Variants in ATP23 observed in about 807,000 individuals in gnomAD.
The protein encoded by ATP23 is mitochondrial inner membrane protease ATP23 homolog.
A neutral mutation model predicts 28.5 loss-of-function variants in ATP23; 24 were observed. The observed-to-expected ratio is 0.84, with a 90% CI of 0.61 to 1.18. The LOEUF (loss-of-function observed/expected upper bound fraction) is 1.18, where lower values mean the gene tolerates loss of function less well. Among genes scored for constraint, ATP23 ranks in the 50% most tolerant of loss-of-function variants. The pLI is 0.00. For synonymous variants in ATP23, 99 were observed against 108.6 expected (o/e 0.91, Z 0.55); for missense variants, 274 against 306.4 (o/e 0.89, Z 0.79).
rs141769981 is a variant in ATP23, at chr12:57,957,895, T to C, written c.*1005T>C. 5.4e-3 allele frequency among the ~76,000 whole-genome samples: 816 copies of C among 152,244 alleles called. 6 individuals carry two copies. The highest frequency in any genetic ancestry group is 0.019 in the African/African-American group (782 of 41,530). ...GGGCAAGAAGCCTCCCGGCCAGAAC[T>C]TGGGAGAGGGCACAAATCCCATGTG... is the stretch of plus-strand genomic sequence containing the variant. On this transcript the variant is annotated 3_prime_UTR_variant, in exon 6 of 6. Transcript: ENST00000300145.
At chr12:57,942,647 TCTC>T (rs1198028154) in intron 1 of ATP23, among the ~76,000 whole-genome samples, 1 of 152,112 alleles carries the variant, frequency 6.6e-6, no homozygotes, top group Non-Finnish European at 1.5e-5. Context: ...ATGGTCTTGA[TCTC>T]CTGACCTCGT....
rs773571601 is a variant in ATP23 at position 57,941,653 on chromosome 12, C to T, written c.-49C>T. On this transcript the variant is annotated 5_prime_UTR_variant, in exon 1 of 6. Transcript: ENST00000300145. ...AGGGAGGTTACCTTTCCCAGTCTCGCTCTGGCCGCCTGAGCCAGGAGGAAG... is the reference window on the plus strand; with the variant it reads ...AGGGAGGTTACCTTTCCCAGTCTCGTTCTGGCCGCCTGAGCCAGGAGGAAG... 2 of 1,581,220 alleles carry T rather than the reference C, an allele frequency of 1.3e-6. No individual in the cohort carries two copies. The highest frequency in any genetic ancestry group is 1.7e-6 in the Non-Finnish European group (2 of 1,166,236).
intron 4 of ATP23, among the ~76,000 whole-genome samples, chr12:57,952,794 C>A (rs1296491643): frequency 6.7e-6 from 1 of 149,314 alleles, no homozygotes; most frequent in African/African-American, 2.5e-5. Flanking sequence ...GTGTTAAGTA[C>A]TTTGAGCTCC....
chr12:57,951,410 C>T (rs1956813044), intron 3 of ATP23, among the ~76,000 whole-genome samples: 1 of 152,210 alleles, frequency 6.6e-6, no homozygotes, highest in Non-Finnish European at 1.5e-5. Context: ...CTGTGTGCTT[C>T]ATTCCAAAGC....
Position 57,947,026 on chromosome 12 carries a change from G to A in ATP23, c.265G>A (p.Glu89Lys), listed in dbSNP as rs745657952. Reference protein sequence around the residue: ...AVNKDRHFSCEDCNGNVSGGF... With the variant: ...AVNKDRHFSCKDCNGNVSGGF... The stretch of plus-strand genomic sequence containing the variant: ...TAACAAAGATAGACACTTTTCTTGC[G>A]AAGACTGTAATGGAAATGTCAGTGG... Residue 89 changes from glutamate to lysine, a missense_variant, in exon 3 of 6, where the codon GAA (glutamate) becomes AAA (lysine). Coordinates refer to ENST00000300145, the MANE Select transcript of ATP23 (RefSeq NM_033276.4). 8 of 1,613,790 alleles carry A rather than the reference G, an allele frequency of 5.0e-6. 1 individual carries two copies. Among genetic ancestry groups the A allele is most frequent in the Non-Finnish European group, 6.8e-6 (8 of 1,179,956 alleles).
chr12:57,952,215 A>T (rs1424842808), intron 4 of ATP23, among the ~76,000 whole-genome samples: 1 of 152,184 alleles, frequency 6.6e-6, no homozygotes, highest in African/African-American at 2.4e-5. Context: ...AAATAAAAAA[A>T]TAATTAAAAT....
intron 4 of ATP23, 69 bp from the exon 5 acceptor site, chr12:57,953,537 T>A (rs12816216): frequency 0.071 from 89,602 of 1,265,550 alleles, 6,414 homozygotes; most frequent in African/African-American, 0.31. Context: ...TTTTTAAAAA[T>A]TGGTTGATAT....
At chr12:57,945,446 G>C (rs1489554622) in intron 1 of ATP23, among the ~76,000 whole-genome samples, 182 bp from the exon 2 acceptor site, 1 of 151,952 alleles carries the variant, frequency 6.6e-6, no homozygotes, top group African/African-American at 2.4e-5. Flanking sequence ...TGGTCAGGCT[G>C]GGCTTGAACT....
In ATP23 at chr12:57,957,739, C is replaced by T. The variant is rs1158794228; in HGVS notation, c.*849C>T. 1.3e-5 allele frequency among the ~76,000 whole-genome samples: 2 copies of T among 152,206 alleles called. No individual in the cohort carries two copies. Among genetic ancestry groups the T allele is most frequent in the South Asian group, 2.1e-4 (1 of 4,828 alleles). ...AAGCAGCAGGAAGGCCCAGGGAGCT[C>T]GCTGGGTCCCCAAGCAGCCCATTCC... is the stretch of plus-strand genomic sequence containing the variant. On this transcript the variant is annotated 3_prime_UTR_variant, in exon 6 of 6. Transcript: ENST00000300145.
chr12:57,955,991 G>A (rs1956862810), intron 5 of ATP23, among the ~76,000 whole-genome samples: 1 of 152,130 alleles, frequency 6.6e-6, no homozygotes, highest in South Asian at 2.1e-4. Context: ...TGGATTAAAA[G>A]CTCTCCAAGA....
chr12:57,941,720 G>T lies in ATP23; in HGVS notation c.19G>T (p.Glu7Ter). 1 of 1,601,070 alleles carries T rather than the reference G, an allele frequency of 6.2e-7. No homozygotes were observed. The highest frequency in any genetic ancestry group is 8.5e-7 in the Non-Finnish European group (1 of 1,174,894). Residue 7 changes from glutamate (E) to a stop codon, truncating the protein, a stop_gained, in exon 1 of 6, where the codon GAG (glutamate) becomes TAG (stop). Coordinates refer to ENST00000300145, the MANE Select transcript of ATP23 (RefSeq NM_033276.4). LOFTEE classifies it high-confidence loss of function. MAGAPDERRRGPAAGEQ... is the reference protein window; with the variant it reads MAGAPD ...GGGAGGCATGGCGGGAGCTCCGGACGAGCGCCGGCGGGGCCCCGCGGCAGG... is the reference window on the plus strand; with the variant it reads ...GGGAGGCATGGCGGGAGCTCCGGACTAGCGCCGGCGGGGCCCCGCGGCAGG...
rs930445557 is a variant in ATP23 at position 57,956,667 on chromosome 12, A to T, written c.538-20A>T. 6.4e-7 allele frequency: 1 copy of T among 1,558,896 alleles called. No individual in the cohort carries two copies. ...AATGTTTATATAAAATTAGAGCCTC[A>T]TACTTTTCCTTCTTTTTAGACTTGT... On this transcript the variant is annotated intron_variant, in intron 5 of 5. Coordinates refer to ENST00000300145, the MANE Select transcript of ATP23 (RefSeq NM_033276.4).
chr12:57,953,991 G>A lies in ATP23; in HGVS notation c.537+302G>A, dbSNP rs962838486. Among the ~76,000 whole-genome samples, 4 of 152,008 alleles carry A rather than the reference G, an allele frequency of 2.6e-5. 1 individual carries two copies. Among genetic ancestry groups the A allele is most frequent in the African/African-American group, 9.7e-5 (4 of 41,384 alleles). ...GGGCGGATCACGAGGTCAGGAGATC[G>A]AGACCAGCGTGGCCAACATGGTGAA... On this transcript the variant is annotated intron_variant, in intron 5 of 5. Coordinates refer to ENST00000300145, the MANE Select transcript of ATP23 (RefSeq NM_033276.4).
rs541063119 is a variant in ATP23, at chr12:57,946,158, G to A, written c.233+485G>A. Among the ~76,000 whole-genome samples the A allele has an allele frequency of 8.5e-5, 13 of 152,226 alleles. No individual in the cohort carries two copies. In the East Asian group the frequency reaches 1.4e-3, roughly 16 times the overall value. On this transcript the variant is annotated intron_variant, in intron 2 of 5. Coordinates refer to ENST00000300145, the MANE Select transcript of ATP23 (RefSeq NM_033276.4). ...TGGGATTACAGGTGTGAGCCACTGC[G>A]CCAGCCCAGCTCATTTTCTAGTTCT...
chr12:57,945,740 C>A, intron 2 of ATP23, 67 bp downstream of exon 2: 11 of 1,361,504 alleles, frequency 8.1e-6, no homozygotes, highest in African/African-American at 2.9e-5. Context: ...AAGTTCTCTT[C>A]TTAAGAGAAC....
chr12:57,953,707 A>T lies in ATP23; in HGVS notation c.537+18A>T, dbSNP rs778658706. ...ACCACCAGGTAAAAACTAATATGAA[A>T]TCACTTCCCCTCCAGAGTGTTACGA... On this transcript the variant is annotated intron_variant, in intron 5 of 5. Coordinates refer to ENST00000300145, the MANE Select transcript of ATP23 (RefSeq NM_033276.4). The T allele has an allele frequency of 5.7e-6, 9 of 1,582,876 alleles. No homozygotes were observed. In the African/African-American group the frequency reaches 1.2e-4, roughly 21 times the overall value.
intron 1 of ATP23, 49 bp downstream of exon 1, chr12:57,941,937 C>T (rs1179370092): frequency 6.3e-7 from 1 of 1,592,812 alleles, no homozygotes; most frequent in Non-Finnish European, 8.6e-7. Context: ...GGGTCTGAGA[C>T]CGGGTGGGCG....
rs1956887112 is a variant in ATP23 at position 57,958,306 on chromosome 12, A to G, written c.*1416A>G. On this transcript the variant is annotated 3_prime_UTR_variant, in exon 6 of 6. Coordinates refer to ENST00000300145, the MANE Select transcript of ATP23 (RefSeq NM_033276.4). ...ATGTTCCTTCCCTACCCACCCTGGT[A>G]TCTGAACAAAAAGGGCATACAATCT... 6.6e-6 allele frequency among the ~76,000 whole-genome samples: 1 copy of G among 152,108 alleles called. No homozygotes were observed.
At chr12:57,954,184 G>T (rs1663508846) in intron 5 of ATP23, among the ~76,000 whole-genome samples, 1 of 112,204 alleles carries the variant, frequency 8.9e-6, no homozygotes, top group African/African-American at 3.8e-5. Flanking sequence ...CACAGAGTGA[G>T]ACTCCATCTC....
Sources: gnomAD v4.1 joint callset for allele counts (sites outside exome capture counted in the v4.1 genomes callset) on GRCh38, gnomAD v4.1.1 for gene constraint, MANE v1.5 for transcripts, NCBI Gene and HGNC (gene_info 2026-07-23, HGNC 2026-07-21) for gene names.